CADM2: variants seen among roughly 807,000 people sequenced by gnomAD.
CADM2 encodes the protein immunoglobulin superfamily member 4D.
CADM2 carries 12 observed loss-of-function variants against 49.8 expected under a neutral mutation model. That is an observed-to-expected ratio of 0.24 (90% CI 0.15 to 0.39). The LOEUF (loss-of-function observed/expected upper bound fraction) is 0.39, where lower values mean the gene tolerates loss of function less well. CADM2 is among the 10% of genes least tolerant of loss of function. The pLI is 1.00. For synonymous variants in CADM2, 214 were observed against 175.4 expected, an observed-to-expected ratio of 1.22 and a Z score of -1.74; for missense variants, 378 against 492.3, an observed-to-expected ratio of 0.77 and a Z score of 2.20.
rs980450593 is a variant in CADM2, at chr3:85,476,518, G to T, written c.62-250004G>T. Among the ~76,000 whole-genome samples, 5 of 151,722 alleles carry T rather than the reference G, an allele frequency of 3.3e-5. 1 individual carries two copies. Among genetic ancestry groups the T allele is most frequent in the Non-Finnish European group, 5.9e-5 (4 of 67,854 alleles). On this transcript the variant is annotated intron_variant, in intron 1 of 9. Transcript: ENST00000383699. ...GATGAATACATTCAGCCTCTATTTT[G>T]TTTCTAATTCACTCTTTTATGAGTT... is the stretch of plus-strand genomic sequence containing the variant.
chr3:85,549,617 A>G (rs533012020), intron 1 of CADM2, among the ~76,000 whole-genome samples: 1 of 151,984 alleles, frequency 6.6e-6, no homozygotes, highest in East Asian at 1.9e-4. Flanking sequence ...TAATATATTT[A>G]AAGGTATTTA....
chr3:86,013,613 C>G lies in CADM2; in HGVS notation c.970+51966C>G, dbSNP rs982500961. ...CTCTCAGGGAAGAGAGAGAATCACACTTCTTTTCCATTATCACTGACGATG... is the reference window on the plus strand; with the variant it reads ...CTCTCAGGGAAGAGAGAGAATCACAGTTCTTTTCCATTATCACTGACGATG... On this transcript the variant is annotated intron_variant, in intron 8 of 9. Transcript: ENST00000383699. 1.9e-6 allele frequency: 3 copies of G among 1,599,752 alleles called. No homozygotes were observed. The African/African-American group carries it at 4.0e-5, about 21-fold the overall frequency.
At chr3:85,169,137 T>C (rs930772549) in intron 1 of CADM2, among the ~76,000 whole-genome samples, 39 of 151,754 alleles carry the variant, frequency 2.6e-4, no homozygotes, top group African/African-American at 8.2e-4. Flanking sequence ...TTGTTCTGTT[T>C]TGTTTTGTTT....
At chr3:85,557,837 A>T (rs2061999589) in intron 1 of CADM2, among the ~76,000 whole-genome samples, 4 of 152,044 alleles carry the variant, frequency 2.6e-5, no homozygotes, top group Admixed American at 1.3e-4. Flanking sequence ...CCATGTCCAC[A>T]AGACTTGATC....
At chr3:85,468,327 G>C (rs906840340) in intron 1 of CADM2, among the ~76,000 whole-genome samples, 1 of 152,078 alleles carries the variant, frequency 6.6e-6, no homozygotes, top group African/African-American at 2.4e-5. Flanking sequence ...GAACTGTTGT[G>C]TCTAAGCCCC....
chr3:86,055,987 G>A (rs1737939720), intron 8 of CADM2, among the ~76,000 whole-genome samples: 1 of 152,138 alleles, frequency 6.6e-6, no homozygotes, highest in African/African-American at 2.4e-5. Flanking sequence ...GTGCCCAATG[G>A]ATAACTTAGC....
At chr3:85,834,829 T>A (rs955724521) in intron 3 of CADM2, among the ~76,000 whole-genome samples, 1 of 151,624 alleles carries the variant, frequency 6.6e-6, no homozygotes, top group Non-Finnish European at 1.5e-5. Context: ...GGGGTTGAGT[T>A]GTCACAGGTG....
At chr3:85,858,249 G>C (rs2075388924) in intron 3 of CADM2, among the ~76,000 whole-genome samples, 1 of 152,164 alleles carries the variant, frequency 6.6e-6, no homozygotes, top group South Asian at 2.1e-4. Flanking sequence ...TATCACATTT[G>C]ATGAAACATG....
intron 3 of CADM2, among the ~76,000 whole-genome samples, chr3:85,868,028 T>G (rs1257587915): frequency 6.6e-6 from 1 of 152,168 alleles, no homozygotes. Flanking sequence ...ACCAACAATA[T>G]AATTTGTGAT....
chr3:85,448,384 G>C (rs960974984), intron 1 of CADM2, among the ~76,000 whole-genome samples: 1 of 149,916 alleles, frequency 6.7e-6, no homozygotes, highest in Non-Finnish European at 1.5e-5. Context: ...ACTCCATTTT[G>C]ACATATAGTT....
At chr3:85,029,004 A>G (rs370818892) in intron 1 of CADM2, among the ~76,000 whole-genome samples, 11 of 151,834 alleles carry the variant, frequency 7.2e-5, no homozygotes, top group Non-Finnish European at 1.6e-4. Flanking sequence ...TTTTAATACT[A>G]TTATAACACG....
intron 1 of CADM2, among the ~76,000 whole-genome samples, chr3:85,689,951 A>C (rs901094592): frequency 6.6e-6 from 1 of 152,328 alleles, no homozygotes; most frequent in South Asian, 2.1e-4. Context: ...TCTGCAAAAT[A>C]ATTGGAAGGT....
chr3:85,749,090 G>A (rs1160844657), intron 2 of CADM2, among the ~76,000 whole-genome samples: 1 of 151,630 alleles, frequency 6.6e-6, no homozygotes, highest in Non-Finnish European at 1.5e-5. Flanking sequence ...CACCTACAAG[G>A]AACAGATTTG....
At chr3:85,978,066 A>G (rs1394781187) in intron 8 of CADM2, among the ~76,000 whole-genome samples, 2 of 151,672 alleles carry the variant, frequency 1.3e-5, no homozygotes, top group Admixed American at 1.3e-4. Flanking sequence ...GGGCTATGTG[A>G]CAAACATGTG....
chr3:85,530,118 T>C (rs968240111), intron 1 of CADM2, among the ~76,000 whole-genome samples: 2 of 152,040 alleles, frequency 1.3e-5, no homozygotes, highest in Non-Finnish European at 2.9e-5. Context: ...CATACTGTTC[T>C]CATGATAGTG....
chr3:85,512,675 TA>T (rs2040673225), intron 1 of CADM2, among the ~76,000 whole-genome samples: 1 of 150,868 alleles, frequency 6.6e-6, no homozygotes, highest in Non-Finnish European at 1.5e-5. Flanking sequence ...CATCTAAAAA[TA>T]AAATATAAAA....
At chr3:84,995,010 A>G (rs1461151916) in intron 1 of CADM2, among the ~76,000 whole-genome samples, 2 of 152,180 alleles carry the variant, frequency 1.3e-5, no homozygotes, top group African/African-American at 4.8e-5. Flanking sequence ...AGCCTGGGCG[A>G]CAGTGTGAGA....
At chr3:85,503,367 T>C (rs751197297) in intron 1 of CADM2, among the ~76,000 whole-genome samples, 1 of 152,188 alleles carries the variant, frequency 6.6e-6, no homozygotes, top group Admixed American at 6.5e-5. Context: ...TAAGGATGAA[T>C]TGTAAATAAG....
chr3:85,840,152 C>T (rs912068163), intron 3 of CADM2, among the ~76,000 whole-genome samples: 1 of 151,824 alleles, frequency 6.6e-6, no homozygotes, highest in Admixed American at 6.6e-5. Flanking sequence ...TCTTTGACTG[C>T]TCCTATTGCA....
Sources: gnomAD v4.1 joint callset for allele counts (sites outside exome capture counted in the v4.1 genomes callset) on GRCh38, gnomAD v4.1.1 for gene constraint, MANE v1.5 for transcripts, NCBI Gene and HGNC (gene_info 2026-07-23, HGNC 2026-07-21) for gene names.